The following THSD7B variants were observed in gnomAD, a reference collection of about 807,000 sequenced individuals.
The protein encoded by THSD7B is thrombospondin type-1 domain-containing protein 7B.
THSD7B carries 138 observed loss-of-function variants against 213.6 expected under a neutral mutation model. That is an observed-to-expected ratio of 0.65 (90% CI 0.56 to 0.74). The LOEUF is 0.74. THSD7B is among the 30% of genes least tolerant of loss of function. The pLI, the probability that THSD7B is intolerant of heterozygous loss-of-function variation, is 0.00. For synonymous variants in THSD7B, 742 were observed against 687.0 expected, an observed-to-expected ratio of 1.08 and a Z score of -1.25; for missense variants, 1,931 against 1,991.5, an observed-to-expected ratio of 0.97 and a Z score of 0.58.
intron 20 of THSD7B, among the ~76,000 whole-genome samples, chr2:137,627,241 C>T (rs755003725): frequency 3.9e-5 from 6 of 152,190 alleles, no homozygotes; most frequent in Non-Finnish European, 5.9e-5. Flanking sequence ...AATTTATTAA[C>T]GAGGAATCCT....
chr2:137,020,708 C>T (rs999645373), intron 2 of THSD7B, among the ~76,000 whole-genome samples: 4 of 152,088 alleles, frequency 2.6e-5, no homozygotes, highest in African/African-American at 9.7e-5. Context: ...TTCGCTTTGC[C>T]CCGGGATTGT....
chr2:137,225,762 A>G (rs930000692), intron 7 of THSD7B, among the ~76,000 whole-genome samples: 10 of 128,430 alleles, frequency 7.8e-5, no homozygotes, highest in Non-Finnish European at 1.3e-4. Context: ...ATAATATTTG[A>G]CATTGAGTTT....
chr2:137,178,690 A>G (rs1480036319), intron 7 of THSD7B, among the ~76,000 whole-genome samples: 1 of 152,228 alleles, frequency 6.6e-6, no homozygotes, highest in Non-Finnish European at 1.5e-5. Context: ...AGGTGGGAGT[A>G]GATGTAAACT....
At chr2:137,093,350 G>T (rs765918825) in intron 3 of THSD7B, among the ~76,000 whole-genome samples, 9 of 152,140 alleles carry the variant, frequency 5.9e-5, no homozygotes, top group Non-Finnish European at 1.2e-4. Context: ...TTAACAATCA[G>T]TTCTCAGGAG....
chr2:136,869,841 AG>A (rs1443269937), intron 1 of THSD7B, among the ~76,000 whole-genome samples: 1 of 152,196 alleles, frequency 6.6e-6, no homozygotes, highest in African/African-American at 2.4e-5. Context: ...TGGGAGGCCA[AG>A]GCGGAAAGAT....
chr2:136,773,483 TTAA>T (rs762038492), intron 1 of THSD7B, among the ~76,000 whole-genome samples: 1 of 152,072 alleles, frequency 6.6e-6, no homozygotes, highest in Non-Finnish European at 1.5e-5. Flanking sequence ...GAAATTAATT[TTAA>T]TAATATGTCT....
chr2:136,878,473 G>T (rs548761254), intron 1 of THSD7B, among the ~76,000 whole-genome samples: 182 of 152,228 alleles, frequency 1.2e-3, no homozygotes, highest in African/African-American at 4.1e-3. Context: ...TCTAGTTCTA[G>T]ATCCTTGAGG....
chr2:137,319,795 C>T (rs1684223093), intron 12 of THSD7B, among the ~76,000 whole-genome samples: 1 of 152,152 alleles, frequency 6.6e-6, no homozygotes, highest in South Asian at 2.1e-4. Flanking sequence ...CATTGTTTTC[C>T]AGATTTTCTT....
At chr2:137,317,401 A>G (rs1684140560) in intron 12 of THSD7B, among the ~76,000 whole-genome samples, 1 of 152,234 alleles carries the variant, frequency 6.6e-6, no homozygotes, top group African/African-American at 2.4e-5. Flanking sequence ...TAACATGCAG[A>G]GGCACCTTTT....
At chr2:137,047,707 T>C (rs997975089) in intron 2 of THSD7B, among the ~76,000 whole-genome samples, 1 of 152,132 alleles carries the variant, frequency 6.6e-6, no homozygotes, top group Non-Finnish European at 1.5e-5. Context: ...CTCTGGAATT[T>C]TGCAGCTAAG....
At chr2:137,521,759 G>A (rs1648629956) in intron 15 of THSD7B, among the ~76,000 whole-genome samples, 1 of 152,188 alleles carries the variant, frequency 6.6e-6, no homozygotes, top group African/African-American at 2.4e-5. Flanking sequence ...CTGTCTCCCT[G>A]TAGAGCAGGA....
intron 2 of THSD7B, among the ~76,000 whole-genome samples, chr2:137,053,089 A>C (rs986453102): frequency 1.3e-5 from 2 of 152,170 alleles, no homozygotes; most frequent in Non-Finnish European, 1.5e-5. Flanking sequence ...AAGAGCCACT[A>C]TCCTAAATTT....
chr2:137,503,355 C>T (rs1392971140), intron 15 of THSD7B, among the ~76,000 whole-genome samples: 1 of 152,122 alleles, frequency 6.6e-6, no homozygotes, highest in African/African-American at 2.4e-5. Context: ...CTAGTTGCCG[C>T]CACTGTTGCC....
intron 6 of THSD7B, among the ~76,000 whole-genome samples, chr2:137,162,996 G>GT (rs1491237277): frequency 7.9e-5 from 12 of 152,134 alleles, no homozygotes; most frequent in African/African-American, 2.6e-4. Context: ...TCTGTGTTGT[G>GT]TTTTTTTGTC....
chr2:137,169,304 A>C lies in THSD7B; in HGVS notation c.1526-1437A>C, dbSNP rs369964955. Among the ~76,000 whole-genome samples, 22 of 142,764 alleles carry C rather than the reference A, an allele frequency of 1.5e-4. 2 individuals carry two copies. Among genetic ancestry groups the C allele is most frequent in the Admixed American group, 1.3e-3 (18 of 14,318 alleles). 93.7% of individuals were successfully genotyped at this position (142,764 alleles called of 152,430 possible). ...ATTTGAGGTTTTTTTTTTTTTTTTA[A>C]TCTAAGTTAACCCAGAACCTCTCTG... On this transcript the variant is annotated intron_variant, in intron 6 of 27. Coordinates refer to ENST00000409968, the MANE Select transcript of THSD7B (RefSeq NM_001316349.2).
rs554778007 is a variant in THSD7B at position 137,457,655 on chromosome 2, A to G, written c.3138+6632A>G. 9.2e-5 allele frequency among the ~76,000 whole-genome samples: 14 copies of G among 152,324 alleles called. No homozygotes were observed. The South Asian group carries it at 2.9e-3, about 32-fold the overall frequency. ...GAAGCTCCCAAGTAGTTTTCTAGAA[A>G]AACATTACAACCTGCTTTTCAAATT... On this transcript the variant is annotated intron_variant, in intron 15 of 27. Transcript: ENST00000409968.
chr2:137,285,284 C>G (rs900738513), intron 12 of THSD7B, among the ~76,000 whole-genome samples: 1 of 152,026 alleles, frequency 6.6e-6, no homozygotes, highest in Admixed American at 6.6e-5. Context: ...TATTTTGAGC[C>G]TATGTGTGTC....
intron 2 of THSD7B, among the ~76,000 whole-genome samples, chr2:136,980,458 C>T (rs2104807193): frequency 6.6e-6 from 1 of 152,286 alleles, no homozygotes; most frequent in African/African-American, 2.4e-5. Context: ...GCTGAAATTC[C>T]TGCAGGGAGG....
At chr2:137,393,640 T>G (rs1394845180) in intron 12 of THSD7B, among the ~76,000 whole-genome samples, 1 of 143,288 alleles carries the variant, frequency 7.0e-6, no homozygotes, top group Non-Finnish European at 1.6e-5. Flanking sequence ...TGTGTCTTTA[T>G]AGCAGCATGA....
Sources: gnomAD v4.1 joint callset for allele counts (sites outside exome capture counted in the v4.1 genomes callset) on GRCh38, gnomAD v4.1.1 for gene constraint, MANE v1.5 for transcripts, NCBI Gene and HGNC (gene_info 2026-07-23, HGNC 2026-07-21) for gene names.